Variants in MDGA2 observed in about 807,000 individuals in gnomAD.
MDGA2 encodes the protein MAM domain containing glycosylphosphatidylinositol anchor 2.
Under a neutral mutation model 117.8 loss-of-function variants are expected in MDGA2, and 40 were observed. The observed-to-expected ratio is 0.34, with a 90% CI of 0.26 to 0.44. The LOEUF is 0.44. MDGA2 is among the 20% of genes least tolerant of loss of function. The pLI is 1.00. For missense variants in MDGA2, 1,123 were observed against 1,250.6 expected (o/e 0.90, Z 1.54); for synonymous variants, 452 against 439.0 (o/e 1.03, Z -0.37).
intron 2 of MDGA2, among the ~76,000 whole-genome samples, chr14:47,232,894 A>G (rs1355200412): frequency 6.6e-6 from 1 of 152,166 alleles, no homozygotes; most frequent in Non-Finnish European, 1.5e-5. Context: ...GTAACTAAAG[A>G]GAGAAGTGGC....
At chr14:47,340,288 T>C (rs995351184) in intron 1 of MDGA2, among the ~76,000 whole-genome samples, 12 of 152,080 alleles carry the variant, frequency 7.9e-5, no homozygotes, top group Non-Finnish European at 1.6e-4. Context: ...ATAAACCAAT[T>C]TATAAATAGA....
chr14:46,975,404 G>A (rs1296043202), intron 8 of MDGA2, among the ~76,000 whole-genome samples: 30 of 151,914 alleles, frequency 2.0e-4, no homozygotes, highest in Admixed American at 1.8e-3. Context: ...GGTTCATATC[G>A]GCATTATTCA....
intron 9 of MDGA2, among the ~76,000 whole-genome samples, chr14:46,954,665 G>C (rs1885495383): frequency 6.6e-6 from 1 of 151,868 alleles, no homozygotes; most frequent in African/African-American, 2.4e-5. Context: ...TATTGCATTT[G>C]AGGCCCACCC....
At chr14:47,109,092 A>T in intron 5 of MDGA2, among the ~76,000 whole-genome samples, 1 of 152,188 alleles carries the variant, frequency 6.6e-6, no homozygotes, top group Non-Finnish European at 1.5e-5. Context: ...AGAATCCCAG[A>T]GGGTCAGCTC....
chr14:47,342,256 T>TTA (rs10536485), intron 1 of MDGA2, among the ~76,000 whole-genome samples: 3,926 of 133,972 alleles, frequency 0.029, 145 homozygotes, highest in African/African-American at 0.087. Flanking sequence ...CACAAAATGT[T>TTA]TATATATATA....
chr14:47,357,715 A>G (rs1891027202), intron 1 of MDGA2, among the ~76,000 whole-genome samples: 1 of 152,156 alleles, frequency 6.6e-6, no homozygotes, highest in African/African-American at 2.4e-5. Context: ...GTCTTTGAAT[A>G]TTTAAAGTGA....
intron 3 of MDGA2, among the ~76,000 whole-genome samples, chr14:47,151,798 T>C (rs1337822074): frequency 6.6e-6 from 1 of 151,832 alleles, no homozygotes; most frequent in Admixed American, 6.6e-5. Context: ...AATAACAATA[T>C]GGTTTCCTAT....
intron 2 of MDGA2, among the ~76,000 whole-genome samples, chr14:47,276,334 A>G (rs1716581879): frequency 6.6e-6 from 1 of 152,176 alleles, no homozygotes; most frequent in Non-Finnish European, 1.5e-5. Flanking sequence ...TTTAGCCGTA[A>G]TCCCTGGTAT....
intron 1 of MDGA2, among the ~76,000 whole-genome samples, chr14:47,607,955 T>C (rs1896771383): frequency 6.6e-6 from 1 of 152,112 alleles, no homozygotes; most frequent in African/African-American, 2.4e-5. Context: ...CAGCCATTTT[T>C]TTTTCTGATA....
intron 2 of MDGA2, among the ~76,000 whole-genome samples, chr14:47,249,604 G>T (rs1887377642): frequency 6.6e-6 from 1 of 152,142 alleles, no homozygotes; most frequent in Admixed American, 6.5e-5. Flanking sequence ...GGGATTACAG[G>T]CATGAACCAC....
intron 1 of MDGA2, among the ~76,000 whole-genome samples, chr14:47,370,766 C>T (rs1334183912): frequency 2.0e-5 from 3 of 151,478 alleles, no homozygotes; most frequent in Admixed American, 1.3e-4. Flanking sequence ...TAATACAAAT[C>T]ATACACTTGC....
intron 1 of MDGA2, among the ~76,000 whole-genome samples, chr14:47,445,787 A>G (rs1893109633): frequency 6.6e-6 from 1 of 152,092 alleles, no homozygotes; most frequent in Non-Finnish European, 1.5e-5. Flanking sequence ...CTGCACACCA[A>G]CTTCCTTGGA....
chr14:47,049,146 C>T (rs1889365344), intron 7 of MDGA2, among the ~76,000 whole-genome samples: 2 of 152,058 alleles, frequency 1.3e-5, no homozygotes, highest in Non-Finnish European at 2.9e-5. Flanking sequence ...ACTTACGTTT[C>T]ATTTACAGTG....
At chr14:47,528,628 T>G (rs1198454277) in intron 1 of MDGA2, among the ~76,000 whole-genome samples, 1 of 152,184 alleles carries the variant, frequency 6.6e-6, no homozygotes, top group East Asian at 1.9e-4. Flanking sequence ...GTAAAACAAA[T>G]GTTTTAAAAG....
intron 3 of MDGA2, among the ~76,000 whole-genome samples, chr14:47,195,700 T>A (rs1885265715): frequency 6.6e-6 from 1 of 152,100 alleles, no homozygotes; most frequent in African/African-American, 2.4e-5. Context: ...TAAAACTTGC[T>A]TAAGTCTGTA....
chr14:47,524,801 C>A (rs545794469), intron 1 of MDGA2, among the ~76,000 whole-genome samples: 3 of 152,098 alleles, frequency 2.0e-5, no homozygotes, highest in Non-Finnish European at 4.4e-5. Flanking sequence ...TGTGAGGGGG[C>A]CTTCCATGAG....
rs150698435 is a variant in MDGA2 at position 47,066,769 on chromosome 14, A to G, written c.1196-5191T>C. Among the ~76,000 whole-genome samples the G allele has an allele frequency of 3.5e-4, 53 of 152,292 alleles. 1 individual carries two copies. The Middle Eastern group carries it at 0.01, about 29-fold the overall frequency. ...AAAACTGACATCTACGCACATTTACATTGTCTGAAATAGTATTTGCTAAAA... is the reference window on the plus strand; with the variant it reads ...AAAACTGACATCTACGCACATTTACGTTGTCTGAAATAGTATTTGCTAAAA... On this transcript the variant is annotated intron_variant, in intron 6 of 16. Transcript: ENST00000399232.
chr14:47,011,581 C>T (rs1160335392), intron 8 of MDGA2, among the ~76,000 whole-genome samples: 1 of 151,908 alleles, frequency 6.6e-6, no homozygotes, highest in Non-Finnish European at 1.5e-5. Context: ...ATTCCACTAA[C>T]TGTATATGTA....
chr14:47,015,585 C>T (rs917507634), intron 8 of MDGA2, among the ~76,000 whole-genome samples: 35 of 151,964 alleles, frequency 2.3e-4, no homozygotes, highest in Admixed American at 2.2e-3. Context: ...ACTGGGAAGG[C>T]TTGAGGCCAA....
Sources: gnomAD v4.1 joint callset for allele counts (sites outside exome capture counted in the v4.1 genomes callset) on GRCh38, gnomAD v4.1.1 for gene constraint, MANE v1.5 for transcripts, NCBI Gene and HGNC (gene_info 2026-07-23, HGNC 2026-07-21) for gene names.